GPC6: variants seen among roughly 807,000 people sequenced by gnomAD.
The protein encoded by GPC6 is glypican-6.
GPC6 carries 14 observed loss-of-function variants against 55.2 expected under a neutral mutation model. The ratio of observed to expected loss-of-function variants is 0.25; its 90% CI spans 0.17 to 0.40. GPC6 has a LOEUF of 0.40. Ranked by LOEUF, GPC6 falls within the 10% of genes least tolerant of loss-of-function variation. GPC6 has a pLI of 1.00. For missense variants in GPC6, 641 were observed against 708.5 expected, an observed-to-expected ratio of 0.90 and a Z score of 1.08; for synonymous variants, 278 against 259.6, an observed-to-expected ratio of 1.07 and a Z score of -0.68.
At chr13:94,279,429 T>A (rs1418981465) in intron 4 of GPC6, among the ~76,000 whole-genome samples, 1 of 152,010 alleles carries the variant, frequency 6.6e-6, no homozygotes, top group Non-Finnish European at 1.5e-5. Context: ...AGGATTTTTG[T>A]GTCTTTATCT....
At chr13:93,532,259 G>A (rs918871212) in intron 1 of GPC6, among the ~76,000 whole-genome samples, 4 of 152,076 alleles carry the variant, frequency 2.6e-5, no homozygotes, top group Admixed American at 6.6e-5. Context: ...TTTCTCTCAA[G>A]ATCTTTCTAT....
intron 5 of GPC6, among the ~76,000 whole-genome samples, chr13:94,296,015 A>G (rs1875314976): frequency 6.6e-6 from 1 of 151,928 alleles, no homozygotes; most frequent in Non-Finnish European, 1.5e-5. Context: ...CCTAGCACAC[A>G]TAAAATTGGG....
chr13:94,372,559 T>A (rs1396676080), intron 6 of GPC6, among the ~76,000 whole-genome samples: 1 of 151,026 alleles, frequency 6.6e-6, no homozygotes, highest in Non-Finnish European at 1.5e-5. Flanking sequence ...GCTCGGAGGG[T>A]CCTACGCCCA....
intron 3 of GPC6, among the ~76,000 whole-genome samples, chr13:93,917,836 C>T (rs757502404): frequency 6.6e-6 from 1 of 152,182 alleles, no homozygotes; most frequent in Non-Finnish European, 1.5e-5. Context: ...CGGTGGCTCA[C>T]GCCTGTAATC....
chr13:94,224,106 C>T (rs1890471848), intron 4 of GPC6, among the ~76,000 whole-genome samples: 2 of 151,934 alleles, frequency 1.3e-5, no homozygotes, highest in Admixed American at 6.6e-5. Flanking sequence ...TTCCTAAGTA[C>T]AACAATGTTG....
chr13:93,713,172 C>A (rs369602220), intron 2 of GPC6, among the ~76,000 whole-genome samples: 9 of 151,198 alleles, frequency 6.0e-5, no homozygotes, highest in Non-Finnish European at 1.3e-4. Flanking sequence ...ATATAGGATT[C>A]AATATTAAGA....
intron 4 of GPC6, among the ~76,000 whole-genome samples, chr13:94,253,320 T>C (rs1480450295): frequency 1.3e-5 from 2 of 152,112 alleles, no homozygotes; most frequent in African/African-American, 4.8e-5. Flanking sequence ...TCTTCCTAGA[T>C]TGTACATTGT....
chr13:93,903,085 T>C (rs985084615), intron 3 of GPC6, among the ~76,000 whole-genome samples: 1 of 152,146 alleles, frequency 6.6e-6, no homozygotes, highest in Non-Finnish European at 1.5e-5. Context: ...ATTAAAGACT[T>C]AAATATAAGA....
chr13:93,639,097 A>T (rs1041264902), intron 2 of GPC6, among the ~76,000 whole-genome samples: 4 of 152,160 alleles, frequency 2.6e-5, no homozygotes, highest in Non-Finnish European at 5.9e-5. Context: ...TAATAAAAAA[A>T]AAAGTTTGTC....
chr13:93,840,112 G>T (rs1473365826), intron 3 of GPC6, among the ~76,000 whole-genome samples: 1 of 151,924 alleles, frequency 6.6e-6, no homozygotes, highest in East Asian at 1.9e-4. Flanking sequence ...TTTTTTGTGG[G>T]TAATTTTAAA....
At chr13:93,914,070 CT>C (rs966699579) in intron 3 of GPC6, among the ~76,000 whole-genome samples, 16 of 152,080 alleles carry the variant, frequency 1.1e-4, no homozygotes, top group African/African-American at 2.9e-4. Context: ...TCATAAGCTC[CT>C]TTTTTTTATT....
intron 4 of GPC6, among the ~76,000 whole-genome samples, chr13:94,076,132 G>GT (rs61343081): frequency 0.025 from 3,674 of 144,250 alleles, 50 homozygotes; most frequent in Non-Finnish European, 0.029. Context: ...TATTATCTTT[G>GT]TTTTTTTTTT....
chr13:93,854,353 A>G (rs1339813501), intron 3 of GPC6, among the ~76,000 whole-genome samples: 1 of 151,712 alleles, frequency 6.6e-6, no homozygotes, highest in Non-Finnish European at 1.5e-5. Context: ...CGATAGTAGT[A>G]TTTGATTTAT....
chr13:94,142,625 G>A lies in GPC6; in HGVS notation c.877+114731G>A, dbSNP rs1380000424. Among the ~76,000 whole-genome samples, 3 of 152,012 alleles carry A rather than the reference G, an allele frequency of 2.0e-5. No individual in the cohort carries two copies. The South Asian group carries it at 6.2e-4, about 32-fold the overall frequency. ...TGAATGGATTTCAAAACAAAACAAA[G>A]CAAAACAGCCTTCTTTGAGTTATTG... is the stretch of plus-strand genomic sequence containing the variant. On this transcript the variant is annotated intron_variant, in intron 4 of 8. Transcript: ENST00000377047.
At chr13:94,363,155 A>T (rs565998528) in intron 6 of GPC6, among the ~76,000 whole-genome samples, 2 of 152,164 alleles carry the variant, frequency 1.3e-5, no homozygotes, top group Non-Finnish European at 2.9e-5. Flanking sequence ...AAACCACCAC[A>T]TATCTGGTGT....
At chr13:93,277,001 TAGTC>T (rs1383461990) in intron 1 of GPC6, among the ~76,000 whole-genome samples, 1 of 152,176 alleles carries the variant, frequency 6.6e-6, no homozygotes, top group Non-Finnish European at 1.5e-5. Context: ...GCTTCTAAAA[TAGTC>T]AGAAACCAGA....
chr13:94,024,952 T>A (rs1458450262), intron 3 of GPC6, among the ~76,000 whole-genome samples: 1 of 152,218 alleles, frequency 6.6e-6, no homozygotes, highest in Non-Finnish European at 1.5e-5. Flanking sequence ...CAAGTCATCA[T>A]TGTAATACCT....
intron 4 of GPC6, among the ~76,000 whole-genome samples, chr13:94,084,636 G>A (rs374149002): frequency 8.4e-5 from 10 of 119,698 alleles, no homozygotes; most frequent in African/African-American, 1.9e-4. Context: ...TTTGTTTTGC[G>A]TGTCCTGAGT....
intron 4 of GPC6, among the ~76,000 whole-genome samples, chr13:94,039,960 A>G (rs1321219347): frequency 6.6e-6 from 1 of 151,968 alleles, no homozygotes; most frequent in Non-Finnish European, 1.5e-5. Context: ...AATGCTTAAC[A>G]TAATGATTTA....
Sources: allele counts gnomAD v4.1 joint callset (sites outside exome capture counted in the v4.1 genomes callset), GRCh38; gene constraint gnomAD v4.1.1; transcripts MANE v1.5; gene names NCBI Gene and HGNC (gene_info 2026-07-23, HGNC 2026-07-21).